Variants in FANCB observed in about 807,000 individuals in gnomAD.
The protein encoded by FANCB is FA complementation group B.
A neutral mutation model predicts 38.9 loss-of-function variants in FANCB; 5 were observed. That is an observed-to-expected ratio of 0.13 (90% CI 0.07 to 0.27). The LOEUF (loss-of-function observed/expected upper bound fraction) is 0.27. Ranked by LOEUF, FANCB falls within the 10% of genes least tolerant of loss-of-function variation. The probability of loss-of-function intolerance (pLI) is 1.00; values close to 1 mark genes in which losing one functional copy is unlikely to be tolerated. For missense variants in FANCB, 573 were observed against 602.7 expected (o/e 0.95, Z 0.52); for synonymous variants, 236 against 215.4 (o/e 1.10, Z -0.84).
chrX:14,723,992 C>T, the FANCB span, among the ~76,000 whole-genome samples: 2 of 112,006 alleles, frequency 1.8e-5, no homozygotes, highest in African/African-American at 6.5e-5. Flanking sequence ...ATCCCCGGCA[C>T]ATAGCACAGT....
chrX:14,790,652 T>C, the FANCB span, among the ~76,000 whole-genome samples: 1 of 112,322 alleles, frequency 8.9e-6, no homozygotes, highest in Non-Finnish European at 1.9e-5. Flanking sequence ...CACATAGTTG[T>C]CCTACTGAAT....
the FANCB span, among the ~76,000 whole-genome samples, chrX:14,716,936 G>A: frequency 2.7e-5 from 3 of 110,992 alleles, no homozygotes; most frequent in African/African-American, 9.8e-5. Flanking sequence ...ACCAACTCTG[G>A]AGACTTCAGG....
chrX:14,842,485 A>G (rs965294607), downstream of FANCB, among the ~76,000 whole-genome samples: 6 of 111,940 alleles, frequency 5.4e-5, no homozygotes, highest in African/African-American at 1.9e-4. Flanking sequence ...AGGATCAGGA[A>G]TATTTATTTT....
Position 14,843,761 on chromosome X carries a change from T to C in FANCB, c.2386A>G (p.Ser796Gly). The C allele has an allele frequency of 1.7e-6, 2 of 1,211,478 alleles. No homozygotes were observed. The highest frequency in any genetic ancestry group is 1.1e-6 in the Non-Finnish European group (1 of 895,259). ...TCTGATAAAGCAGCCGCGACGACACTACTCTTTCCTTTGCTCACTTCACAC... is the reference window on the plus strand; with the variant it reads ...TCTGATAAAGCAGCCGCGACGACACCACTCTTTCCTTTGCTCACTTCACAC... ...QRCEVSKGKS[S>G]VVAAALSDRR... is the part of the protein sequence containing the mutation. The change falls in exon 10 of 10, where the codon AGT becomes GGT. Residue 796 changes from serine to glycine, a missense_variant. Coordinates refer to ENST00000650831, the MANE Select transcript of FANCB (RefSeq NM_001018113.3).
chrX:14,815,643 C>T, the FANCB span, among the ~76,000 whole-genome samples: 1 of 111,723 alleles, frequency 9.0e-6, no homozygotes, highest in African/African-American at 3.3e-5. Flanking sequence ...AAGTACAATT[C>T]GATCCAGCAA....
At chrX:14,708,791 C>T in the FANCB span, among the ~76,000 whole-genome samples, 5 of 111,432 alleles carry the variant, frequency 4.5e-5, no homozygotes, top group African/African-American at 6.5e-5. Context: ...ACAAAATTAG[C>T]CGGGCACGGT....
chrX:14,722,478 A>G, the FANCB span, among the ~76,000 whole-genome samples: 10 of 111,425 alleles, frequency 9.0e-5, no homozygotes, highest in African/African-American at 3.3e-4. Flanking sequence ...CACTTCCACC[A>G]AATTCTGTTG....
chrX:14,775,160 G>GTTTTTTTTTTTTTTTTTTTTTTTTTTTT, the FANCB span, among the ~76,000 whole-genome samples: 1 of 35,001 alleles, frequency 2.9e-5, no homozygotes. Flanking sequence ...TTTCTCTAAT[G>GTTTTTTTTTTTTTTTTTTTTTTTTTTTT]TTTTTTTTTT....
At chrX:14,723,245 T>G in the FANCB span, among the ~76,000 whole-genome samples, 1 of 112,305 alleles carries the variant, frequency 8.9e-6, no homozygotes, top group Non-Finnish European at 1.9e-5. Flanking sequence ...TCTTTCTCAT[T>G]GAATGGCATT....
the FANCB span, among the ~76,000 whole-genome samples, chrX:14,755,191 ATCATACCAAATGGGAAATAGTT>A: frequency 8.9e-6 from 1 of 112,153 alleles, no homozygotes; most frequent in Non-Finnish European, 1.9e-5. Context: ...CACAGCTAGC[ATCATACCAAATGGGAAATAGTT>A]GAAAGCTTTT....
chrX:14,718,229 AG>A, the FANCB span, among the ~76,000 whole-genome samples: 1 of 111,649 alleles, frequency 9.0e-6, no homozygotes, highest in East Asian at 2.8e-4. Context: ...CAGTTTACCT[AG>A]CATGACTTAC....
At chrX:14,867,905 C>T (rs765707831) in intron 2 of FANCB, among the ~76,000 whole-genome samples, 1 of 110,802 alleles carries the variant, frequency 9.0e-6, no homozygotes, top group South Asian at 3.7e-4. Context: ...ACTTAATAGA[C>T]ATATCTCAAA....
chrX:14,812,168 T>A, the FANCB span, among the ~76,000 whole-genome samples: 3 of 109,565 alleles, frequency 2.7e-5, no homozygotes, highest in South Asian at 1.2e-3. Context: ...CAAAGCAGTG[T>A]GTAGAGGGAA....
the FANCB span, among the ~76,000 whole-genome samples, chrX:14,709,294 T>C: frequency 8.9e-6 from 1 of 111,739 alleles, no homozygotes; most frequent in Non-Finnish European, 1.9e-5. Flanking sequence ...CTGTGTTACA[T>C]ACCTTCATGC....
the FANCB span, among the ~76,000 whole-genome samples, chrX:14,698,620 G>A: frequency 1.1e-5 from 1 of 94,338 alleles, no homozygotes; most frequent in African/African-American, 4.0e-5. Flanking sequence ...GGAGATTGCA[G>A]TGAGCTGAGA....
chrX:14,852,229 C>T (rs1367899243), intron 6 of FANCB, among the ~76,000 whole-genome samples: 2 of 105,577 alleles, frequency 1.9e-5, no homozygotes, highest in African/African-American at 3.5e-5. Context: ...AGTGCAATGG[C>T]GCGATCTCAG....
In FANCB at chrX:14,843,818, T is replaced by G. The variant is rs776505971; in HGVS notation, c.2329A>C (p.Ile777Leu). Residue 777 changes from isoleucine to leucine, a missense_variant, in exon 10 of 10, where the codon ATA becomes CTA. Ile to Leu is a conservative substitution (Grantham distance 5). Coordinates refer to ENST00000650831, the MANE Select transcript of FANCB (RefSeq NM_001018113.3). ...LVTLSSLSSA[I>L]AKHESNFMQR... is the part of the protein sequence containing the mutation. ...ATAAAATTGCTTTCATGTTTAGCTA[T>G]GGCAGAAGAAAGAGAACTAAGGGTG... The G allele has an allele frequency of 3.3e-6, 4 of 1,208,935 alleles. No homozygotes were observed. In the African/African-American group the frequency reaches 5.3e-5, roughly 16 times the overall value.
chrX:14,693,205 A>C, the FANCB span, among the ~76,000 whole-genome samples: 1 of 111,982 alleles, frequency 8.9e-6, no homozygotes, highest in Non-Finnish European at 1.9e-5. Context: ...ATTTAAAAAT[A>C]AAACTCAACT....
chrX:14,754,515 T>C, the FANCB span, among the ~76,000 whole-genome samples: 5 of 111,774 alleles, frequency 4.5e-5, no homozygotes, highest in Non-Finnish European at 9.4e-5. Flanking sequence ...GAAATGTATA[T>C]ATGTTACCCT....
Sources: gnomAD v4.1 joint callset for allele counts (sites outside exome capture counted in the v4.1 genomes callset) on GRCh38, gnomAD v4.1.1 for gene constraint, MANE v1.5 for transcripts, NCBI Gene and HGNC (gene_info 2026-07-23, HGNC 2026-07-21) for gene names.